DENND6B: variants seen among roughly 807,000 people sequenced by gnomAD.
DENND6B encodes the protein protein DENND6B.
Under a neutral mutation model 85.1 loss-of-function variants are expected in DENND6B, and 73 were observed. That is an observed-to-expected ratio of 0.86 (90% CI 0.71 to 1.04). DENND6B has a LOEUF of 1.04. Among genes scored for constraint, DENND6B ranks in the 50% least tolerant of loss-of-function variants. The pLI, the probability that DENND6B is intolerant of heterozygous loss-of-function variation, is 0.00. For synonymous variants in DENND6B, 357 were observed against 329.3 expected (o/e 1.08, Z -0.91); for missense variants, 715 against 785.8 (o/e 0.91, Z 1.08).
Position 50,314,503 on chromosome 22 carries a change from A to G in DENND6B, c.978-9T>C. The G allele has an allele frequency of 6.4e-7, 1 of 1,556,694 alleles. No individual in the cohort carries two copies. On this transcript the variant is annotated splice_polypyrimidine_tract_variant and intron_variant, in intron 11 of 19. Coordinates refer to ENST00000413817, the MANE Select transcript of DENND6B (RefSeq NM_001001794.4). ...CCAGGACCACGTTTGGTCTAGACAG[A>G]CAGAGAGAGAGAAGAGGCAGAGACA... is the stretch of plus-strand genomic sequence containing the variant.
chr22:50,311,865 C>G lies in DENND6B; in HGVS notation c.*274G>C. The G allele has an allele frequency of 2.0e-6, 1 of 508,166 alleles. No homozygotes were observed. The allele number at this position is 508,166 out of a possible 1,614,324, so 31.5% of individuals were successfully genotyped here. On this transcript the variant is annotated 3_prime_UTR_variant, in exon 20 of 20. Coordinates refer to ENST00000413817, the MANE Select transcript of DENND6B (RefSeq NM_001001794.4). ...ACATCAGCAAGGGCTCCCAGCCTGT[C>G]CCCGCCCCCGTCCCAGCCTAAGGTC...
At chr22:50,314,554 C>CG (rs2041721466) in intron 11 of DENND6B, 51 bp downstream of exon 11, 5 of 1,553,820 alleles carry the variant, frequency 3.2e-6, no homozygotes. Context: ...GCAGGAAGGG[C>CG]GAGAGGCAGG....
Position 50,315,957 on chromosome 22 carries a change from G to C in DENND6B, c.702+68C>G. The C allele has an allele frequency of 3.1e-6, 5 of 1,608,232 alleles. No individual in the cohort carries two copies. In the South Asian group the frequency reaches 3.3e-5, roughly 11 times the overall value. ...CAAGGAAGCAGGTGTGGGACCACCC[G>C]GCCCAGGAGCAGGACTCAATCGGGT... On this transcript the variant is annotated intron_variant, in intron 8 of 19. Coordinates refer to ENST00000413817, the MANE Select transcript of DENND6B (RefSeq NM_001001794.4).
In DENND6B at chr22:50,313,202, G is replaced by A. The variant is rs369808383; in HGVS notation, c.1348-94C>T. The A allele has an allele frequency of 7.8e-5, 102 of 1,305,814 alleles. 1 individual carries two copies. The highest frequency in any genetic ancestry group is 4.4e-4 in the African/African-American group (30 of 68,662). The allele number at this position is 1,305,814 out of a possible 1,614,324, so 80.9% of individuals were successfully genotyped here. ...AGACACACTCCTCACCACTTCTGAA[G>A]ACCCCCAGCCCCCACCCTGCCTGGC... On this transcript the variant is annotated intron_variant, in intron 16 of 19. Transcript: ENST00000413817.
At chr22:50,313,143 T>C (rs2068107349) in intron 16 of DENND6B, 35 bp from the exon 17 acceptor site, 29 of 1,539,054 alleles carry the variant, frequency 1.9e-5, no homozygotes, top group Non-Finnish European at 2.5e-5. Flanking sequence ...ACGTGGGAAC[T>C]CGGCCTCACA....
intron 1 of DENND6B, among the ~76,000 whole-genome samples, chr22:50,323,752 T>C (rs1229132491): frequency 6.8e-6 from 1 of 147,868 alleles, no homozygotes; most frequent in Non-Finnish European, 1.5e-5. Context: ...TTAATTTTGT[T>C]TTGAGACAGG....
chr22:50,323,584 C>T (rs954271559), intron 1 of DENND6B, among the ~76,000 whole-genome samples: 1 of 151,944 alleles, frequency 6.6e-6, no homozygotes, highest in Non-Finnish European at 1.5e-5. Flanking sequence ...CTGTGCCCGG[C>T]CTCATTTTGT....
At chr22:50,314,567 G>A (rs376479643) in intron 11 of DENND6B, 38 bp downstream of exon 11, 89 of 1,555,118 alleles carry the variant, frequency 5.7e-5, no homozygotes, top group South Asian at 4.6e-4. Context: ...GAGGCAGGGC[G>A]GAGCAAGGGC....
intron 13 of DENND6B, 51 bp from the exon 14 acceptor site, chr22:50,313,929 C>T: frequency 6.4e-7 from 1 of 1,552,520 alleles, no homozygotes; most frequent in Non-Finnish European, 8.7e-7. Flanking sequence ...CTCCCTCCCA[C>T]ACTCCTGCAG....
chr22:50,313,958 G>A (rs2041689579), intron 13 of DENND6B, 80 bp from the exon 14 acceptor site: 9 of 1,480,826 alleles, frequency 6.1e-6, no homozygotes, highest in East Asian at 4.8e-5. Flanking sequence ...AGGAGCCAGG[G>A]TGGGGGTCTC....
intron 5 of DENND6B, 34 bp from the exon 6 acceptor site, chr22:50,316,509 G>A: frequency 6.4e-7 from 1 of 1,553,094 alleles, no homozygotes; most frequent in Non-Finnish European, 8.7e-7. Flanking sequence ...GAGGCCCAGT[G>A]CCAGGCCTCA....
chr22:50,323,571 A>C (rs62241242), intron 1 of DENND6B, among the ~76,000 whole-genome samples: 69,525 of 151,168 alleles, frequency 0.46, 16,427 homozygotes, highest in South Asian at 0.62. Flanking sequence ...TAGGCATGAA[A>C]CACTGTGCCC....
At position 50,312,139 on chromosome 22, in the gene DENND6B, C is replaced by T; in HGVS notation, c.1758G>A (p.Ter586=). 6.2e-7 allele frequency: 1 copy of T among 1,612,208 alleles called. No individual in the cohort carries two copies. Among genetic ancestry groups the T allele is most frequent in the Non-Finnish European group, 8.5e-7 (1 of 1,179,686 alleles). Residue 586 remains the stop codon, a stop_retained_variant, in exon 20 of 20, where the codon TAG becomes TAA. Transcript: ENST00000413817. Reference sequence around the variant, plus strand: ...TGGGACCGTGGCCCTTGGCTTTGTTCTAGGGAGGGCACAAGACAGCCTGCA... The same window carrying T: ...TGGGACCGTGGCCCTTGGCTTTGTTTTAGGGAGGGCACAAGACAGCCTGCA... ...KDLQAVLCPP[*]
At chr22:50,319,837 C>CT (rs2041988045) in intron 1 of DENND6B, among the ~76,000 whole-genome samples, 1 of 152,252 alleles carries the variant, frequency 6.6e-6, no homozygotes. Flanking sequence ...CCTGTAGCGC[C>CT]CAGCCGGACA....
intron 13 of DENND6B, 80 bp downstream of exon 13, chr22:50,314,127 C>A: frequency 1.4e-6 from 2 of 1,479,098 alleles, no homozygotes; most frequent in Non-Finnish European, 9.0e-7. Context: ...GGGGGCCTGG[C>A]TGCCCCACCC....
chr22:50,320,963 C>A (rs945312706), intron 1 of DENND6B, among the ~76,000 whole-genome samples: 1 of 152,186 alleles, frequency 6.6e-6, no homozygotes, highest in Non-Finnish European at 1.5e-5. Context: ...GGGGTCAGGC[C>A]ACCCAGGGTT....
intron 1 of DENND6B, among the ~76,000 whole-genome samples, chr22:50,322,325 C>A (rs559645015): frequency 1.3e-5 from 2 of 152,048 alleles, no homozygotes; most frequent in Admixed American, 6.5e-5. Context: ...CCACCTGCCT[C>A]GGCCTGCCAA....
intron 11 of DENND6B, 44 bp from the exon 12 acceptor site, chr22:50,314,538 G>A: frequency 7.7e-6 from 12 of 1,553,916 alleles, no homozygotes; most frequent in Non-Finnish European, 9.6e-6. Flanking sequence ...AGAGGTCCAG[G>A]GAGGTGCAGG....
In DENND6B at chr22:50,316,107, G is replaced by C; in HGVS notation, c.640-20C>G. The C allele has an allele frequency of 6.2e-7, 1 of 1,612,712 alleles. No individual in the cohort carries two copies. The highest frequency in any genetic ancestry group is 8.5e-7 in the Non-Finnish European group (1 of 1,179,872). ...GCGCACCTGGGAGAAGGAGGGAGCA[G>C]CTGCCAGAGGGAGTAGGGCATCCCC... On this transcript the variant is annotated intron_variant, in intron 7 of 19. Transcript: ENST00000413817.
Sources: gnomAD v4.1 joint callset for allele counts (sites outside exome capture counted in the v4.1 genomes callset) on GRCh38, gnomAD v4.1.1 for gene constraint, MANE v1.5 for transcripts, NCBI Gene and HGNC (gene_info 2026-07-23, HGNC 2026-07-21) for gene names.